Variants in SLC26A7 observed in about 807,000 individuals in gnomAD.
SLC26A7 encodes anion exchange transporter.
SLC26A7 carries 59 observed loss-of-function variants against 82.5 expected under a neutral mutation model. The observed-to-expected ratio is 0.72, with a 90% confidence interval of 0.58 to 0.89. SLC26A7 has a LOEUF of 0.89. SLC26A7 is among the 40% of genes least tolerant of loss of function. The pLI is 0.00. For synonymous variants in SLC26A7, 271 were observed against 274.3 expected (o/e 0.99, Z 0.12); for missense variants, 820 against 793.0 (o/e 1.03, Z -0.41).
chr8:91,289,209 T>G lies in SLC26A7; in HGVS notation c.267T>G (p.Ile89Met), dbSNP rs748126263. 4 of 1,613,988 alleles carry G rather than the reference T, an allele frequency of 2.5e-6. No homozygotes were observed. The highest frequency in any genetic ancestry group is 2.5e-6 in the Non-Finnish European group (3 of 1,179,876). The change falls in exon 3 of 19, where the codon ATT becomes ATG. Residue 89 changes from isoleucine to methionine, a missense_variant. Coordinates refer to ENST00000276609, the MANE Select transcript of SLC26A7 (RefSeq NM_052832.4). ...GLYGSLFPAIIYAIFGMGHHV... is the reference protein window; with the variant it reads ...GLYGSLFPAIMYAIFGMGHHV... Reference sequence around the variant, plus strand: ...ATGGGTCTCTGTTTCCTGCCATAATTTATGCCATATTTGGAATGGGACATC... The same window carrying G: ...ATGGGTCTCTGTTTCCTGCCATAATGTATGCCATATTTGGAATGGGACATC...
rs547046860 is a variant in SLC26A7, at chr8:91,397,520, T to A, written c.*2423T>A. The stretch of plus-strand genomic sequence containing the variant: ...AAAAATTAAAACTGACCTATAAGAG[T>A]GTTAAGGACCTAATAGAGTGACATA... On this transcript the variant is annotated 3_prime_UTR_variant, in exon 19 of 19. Coordinates refer to ENST00000276609, the MANE Select transcript of SLC26A7 (RefSeq NM_052832.4). The A allele has an allele frequency of 3.9e-5, 6 of 152,544 alleles. No individual in the cohort carries two copies. Among genetic ancestry groups the A allele is most frequent in the Admixed American group, 1.3e-4 (2 of 15,274 alleles). 9.4% of individuals were successfully genotyped at this position (152,544 alleles called of 1,614,324 possible).
intron 4 of SLC26A7, among the ~76,000 whole-genome samples, chr8:91,317,727 T>A (rs540225730): frequency 6.6e-6 from 1 of 152,116 alleles, no homozygotes; most frequent in East Asian, 1.9e-4. Flanking sequence ...TTTTCCTTTT[T>A]AAAATTTTAA....
intron 15 of SLC26A7, among the ~76,000 whole-genome samples, chr8:91,371,001 A>G (rs558768987): frequency 4.6e-5 from 7 of 151,930 alleles, no homozygotes; most frequent in Non-Finnish European, 1.0e-4. Context: ...AAATAATTTT[A>G]GTTACAAATG....
chr8:91,361,584 C>G (rs2130868904), intron 11 of SLC26A7, among the ~76,000 whole-genome samples: 1 of 152,230 alleles, frequency 6.6e-6, no homozygotes, highest in African/African-American at 2.4e-5. Flanking sequence ...CTGGATTTCA[C>G]AAATTATTTT....
chr8:91,289,264 T>G lies in SLC26A7; in HGVS notation c.304+18T>G. The G allele has an allele frequency of 6.4e-7, 1 of 1,565,164 alleles. No homozygotes were observed. The highest frequency in any genetic ancestry group is 8.8e-7 in the Non-Finnish European group (1 of 1,135,548). ...TGCCACAGGTAATAATTCCTATGTT[T>G]ATGCTTCTAATGTTACTCGCAAAAA... On this transcript the variant is annotated intron_variant, in intron 3 of 18. Transcript: ENST00000276609.
At chr8:91,295,131 C>G (rs1349631520) in intron 3 of SLC26A7, among the ~76,000 whole-genome samples, 2 of 152,104 alleles carry the variant, frequency 1.3e-5, no homozygotes, top group African/African-American at 4.8e-5. Flanking sequence ...ATTATTACTC[C>G]CATTTTATGG....
intron 2 of SLC26A7, among the ~76,000 whole-genome samples, chr8:91,283,834 A>C (rs1283143254): frequency 6.6e-6 from 1 of 152,162 alleles, no homozygotes; most frequent in Non-Finnish European, 1.5e-5. Flanking sequence ...TGTTAGTTGG[A>C]TAATACTATG....
At chr8:91,360,544 C>T (rs1814021678) in intron 11 of SLC26A7, among the ~76,000 whole-genome samples, 1 of 151,890 alleles carries the variant, frequency 6.6e-6, no homozygotes, top group South Asian at 2.1e-4. Flanking sequence ...TAAATGTAGC[C>T]CCAGGAAATA....
chr8:91,345,499 C>T (rs1396267907), intron 9 of SLC26A7, among the ~76,000 whole-genome samples: 1 of 152,154 alleles, frequency 6.6e-6, no homozygotes, highest in African/African-American at 2.4e-5. Context: ...TAGCACAATG[C>T]TTGAGCACTA....
chr8:91,327,025 G>T (rs946233952), intron 5 of SLC26A7, among the ~76,000 whole-genome samples: 2 of 152,022 alleles, frequency 1.3e-5, no homozygotes, highest in South Asian at 2.1e-4. Flanking sequence ...TCTTGTGGTC[G>T]ATCCTTTACT....
intron 2 of SLC26A7, among the ~76,000 whole-genome samples, chr8:91,222,715 G>A (rs922189782): frequency 3.9e-5 from 6 of 152,138 alleles, no homozygotes; most frequent in Non-Finnish European, 8.8e-5. Context: ...TGACTTGATC[G>A]TGGTGGATAA....
intron 2 of SLC26A7, among the ~76,000 whole-genome samples, chr8:91,250,249 G>GTTGTAGCC: frequency 6.6e-6 from 1 of 152,202 alleles, no homozygotes; most frequent in African/African-American, 2.4e-5. Flanking sequence ...ACAATTACCT[G>GTTGTAGCC]TTGTAGCCTT....
intron 2 of SLC26A7, among the ~76,000 whole-genome samples, chr8:91,283,972 A>T (rs1008829481): frequency 2.0e-5 from 3 of 152,168 alleles, no homozygotes; most frequent in African/African-American, 7.2e-5. Context: ...CCCAATACTT[A>T]TAACTAACTG....
At position 91,389,437 on chromosome 8, in the gene SLC26A7, A is replaced by G; in HGVS notation, c.1775A>G (p.Glu592Gly). Residue 592 changes from glutamate to glycine, a missense_variant and splice_region_variant, in exon 16 of 19, where the codon GAG becomes GGG. Coordinates refer to ENST00000276609, the MANE Select transcript of SLC26A7 (RefSeq NM_052832.4). ...TATTCTGGAGTCTCCATGCTTGTTG[A>G]GGTATTTATGGAACTTGTGTTTAGA... ...FDYSGVSMLV[E>G]VYMDCKGRSV... is the part of the protein sequence containing the mutation. 5 of 1,606,972 alleles carry G rather than the reference A, an allele frequency of 3.1e-6. No individual in the cohort carries two copies. Among genetic ancestry groups the G allele is most frequent in the Non-Finnish European group, 4.3e-6 (5 of 1,173,660 alleles).
intron 5 of SLC26A7, among the ~76,000 whole-genome samples, chr8:91,319,249 A>G (rs1395978129): frequency 6.6e-6 from 1 of 152,158 alleles, no homozygotes; most frequent in Non-Finnish European, 1.5e-5. Flanking sequence ...ACAAACATTG[A>G]TTGTTTCAGT....
rs367747296 is a variant in SLC26A7, at chr8:91,236,525, C to T, written c.-33-13094C>T. On this transcript the variant is annotated intron_variant, in intron 2 of 5. Transcript: ENST00000522862. ...AATAGGTTACAGAAAATATTACCATCAACATTCATCACTGATATAAATTCA... is the reference window on the plus strand; with the variant it reads ...AATAGGTTACAGAAAATATTACCATTAACATTCATCACTGATATAAATTCA... Among the ~76,000 whole-genome samples the T allele has an allele frequency of 1.2e-4, 18 of 151,294 alleles. 2 individuals carry two copies. Among genetic ancestry groups the T allele is most frequent in the Admixed American group, 7.9e-4 (12 of 15,176 alleles).
At chr8:91,377,620 T>C (rs1299492646) in intron 15 of SLC26A7, among the ~76,000 whole-genome samples, 1 of 152,070 alleles carries the variant, frequency 6.6e-6, no homozygotes, top group East Asian at 1.9e-4. Context: ...GCTGGTCACC[T>C]GGTTCTTTGA....
At chr8:91,328,638 T>C (rs1288176494) in intron 5 of SLC26A7, among the ~76,000 whole-genome samples, 1 of 152,128 alleles carries the variant, frequency 6.6e-6, no homozygotes, top group Non-Finnish European at 1.5e-5. Flanking sequence ...CAAAATTTAT[T>C]GAGTATCTAC....
At chr8:91,278,245 C>G in intron 2 of SLC26A7, among the ~76,000 whole-genome samples, 1 of 151,996 alleles carries the variant, frequency 6.6e-6, no homozygotes, top group Non-Finnish European at 1.5e-5. Context: ...AAAAAAGGAC[C>G]TGTCAGATTG....
Sources: allele counts gnomAD v4.1 joint callset (sites outside exome capture counted in the v4.1 genomes callset), GRCh38; gene constraint gnomAD v4.1.1; transcripts MANE v1.5; gene names NCBI Gene and HGNC (gene_info 2026-07-23, HGNC 2026-07-21).